Variants in SLC30A9 observed in about 807,000 individuals in gnomAD.
The protein encoded by SLC30A9 is solute carrier family 30 member 9.
In SLC30A9, 58 loss-of-function variants were observed where a neutral mutation model predicts 87.5. That is an observed-to-expected ratio of 0.66 (90% CI 0.54 to 0.82). The LOEUF is 0.82. SLC30A9 is among the 40% of genes least tolerant of loss of function. SLC30A9 has a pLI of 0.00. For missense variants in SLC30A9, 557 were observed against 679.1 expected (o/e 0.82, Z 2.00); for synonymous variants, 234 against 233.0 (o/e 1.00, Z -0.04).
chr4:42,019,881 C>T (rs1258592234), intron 3 of SLC30A9, among the ~76,000 whole-genome samples: 1 of 152,006 alleles, frequency 6.6e-6, no homozygotes, highest in East Asian at 1.9e-4. Flanking sequence ...GCAACCTCTG[C>T]CTCCCAAGTT....
chr4:42,049,946 C>T (rs1319524919), intron 9 of SLC30A9, among the ~76,000 whole-genome samples: 1 of 151,984 alleles, frequency 6.6e-6, no homozygotes, highest in African/African-American at 2.4e-5. Context: ...ACTAGAAACC[C>T]AAAACTTTTC....
At chr4:42,003,934 C>T (rs1715088297) in intron 2 of SLC30A9, among the ~76,000 whole-genome samples, 1 of 152,176 alleles carries the variant, frequency 6.6e-6, no homozygotes, top group Non-Finnish European at 1.5e-5. Context: ...CCGCCTCCAA[C>T]TTATGTGCTA....
intron 9 of SLC30A9, among the ~76,000 whole-genome samples, chr4:42,056,697 T>G (rs1393979657): frequency 6.6e-6 from 1 of 152,096 alleles, no homozygotes; most frequent in Non-Finnish European, 1.5e-5. Flanking sequence ...AAGTCTTAAC[T>G]CATTTCAGCA....
intron 15 of SLC30A9, among the ~76,000 whole-genome samples, chr4:42,075,038 TATATATATATATATATATA>T (rs1718470678): frequency 9.8e-5 from 1 of 10,240 alleles, no homozygotes; most frequent in African/African-American, 3.9e-4. Flanking sequence ...TATATATATA[TATATATATATATATATATA>T]TATTTTTTTT....
chr4:42,067,109 C>A lies in SLC30A9; in HGVS notation c.1169C>A (p.Thr390Lys). The change falls in exon 14 of 18, where the codon ACA becomes AAA. Residue 390 changes from threonine to lysine, a missense_variant. Around this residue, in one of 2 missense-constraint regions of SLC30A9, gnomAD observed 467 missense variants for 529.8 expected, o/e 0.88. Coordinates refer to ENST00000264451, the MANE Select transcript of SLC30A9 (RefSeq NM_006345.4). ...KYVMESRDPS[T>K]NVILLEDTAA... Reference sequence around the variant, plus strand: ...GTAATGGAAAGTCGTGATCCTAGTACAAATGTGATATTATTGGAGGATACT... The same window carrying A: ...GTAATGGAAAGTCGTGATCCTAGTAAAAATGTGATATTATTGGAGGATACT... 1 of 1,612,028 alleles carries A rather than the reference C, an allele frequency of 6.2e-7. No homozygotes were observed. Among genetic ancestry groups the A allele is most frequent in the Non-Finnish European group, 8.5e-7 (1 of 1,178,394 alleles).
At chr4:42,031,285 A>G (rs977405595) in intron 6 of SLC30A9, among the ~76,000 whole-genome samples, 1 of 151,992 alleles carries the variant, frequency 6.6e-6, no homozygotes, top group East Asian at 1.9e-4. Context: ...AAAACAGAAG[A>G]CATCTGCAGC....
At chr4:42,011,556 C>T (rs770914917) in intron 2 of SLC30A9, among the ~76,000 whole-genome samples, 3 of 152,014 alleles carry the variant, frequency 2.0e-5, no homozygotes, top group Non-Finnish European at 4.4e-5. Context: ...ACTCTGAGCA[C>T]AAGAATGTGA....
At chr4:42,052,964 A>G (rs948671718) in intron 9 of SLC30A9, among the ~76,000 whole-genome samples, 11 of 152,228 alleles carry the variant, frequency 7.2e-5, no homozygotes, top group Admixed American at 3.3e-4. Flanking sequence ...ATAGTCACAA[A>G]GCATTCTGAC....
intron 2 of SLC30A9, among the ~76,000 whole-genome samples, chr4:42,014,821 C>T (rs571002038): frequency 2.0e-5 from 3 of 152,210 alleles, no homozygotes; most frequent in East Asian, 3.9e-4. Context: ...AAAAACAGCA[C>T]GTTCTCACTT....
rs1718666956 is a variant in SLC30A9 at position 42,079,162 on chromosome 4, AT to A, written c.1662+839del. On this transcript the variant is annotated intron_variant, in intron 17 of 17. Transcript: ENST00000264451. Reference sequence around the variant, plus strand: ...TAAGACGCTTTCATTCTTAAAAATTATTGCAGACCTCAAAGAGATTTTATTT... The same window carrying A: ...TAAGACGCTTTCATTCTTAAAAATTATGCAGACCTCAAAGAGATTTTATTT... 2.6e-5 allele frequency among the ~76,000 whole-genome samples: 4 copies of A among 152,242 alleles called. No homozygotes were observed. The South Asian group carries it at 8.3e-4, about 32-fold the overall frequency.
intron 2 of SLC30A9, among the ~76,000 whole-genome samples, chr4:42,002,546 T>C (rs1715033699): frequency 6.6e-6 from 1 of 152,012 alleles, no homozygotes; most frequent in African/African-American, 2.4e-5. Flanking sequence ...TTGTTTTCTG[T>C]GTTAATTTGC....
intron 4 of SLC30A9, among the ~76,000 whole-genome samples, chr4:42,022,412 A>G (rs1342436816): frequency 1.3e-5 from 2 of 150,776 alleles, no homozygotes; most frequent in Non-Finnish European, 1.5e-5. Flanking sequence ...ATTTTTTTTT[A>G]GTAGAGACGG....
chr4:42,084,915 T>G (rs1718870512), intron 17 of SLC30A9, among the ~76,000 whole-genome samples: 1 of 152,250 alleles, frequency 6.6e-6, no homozygotes, highest in East Asian at 1.9e-4. Flanking sequence ...CAAATACTGT[T>G]TGTTCCCAGC....
chr4:42,001,975 A>G (rs1321736130), intron 2 of SLC30A9, among the ~76,000 whole-genome samples, 195 bp downstream of exon 2: 2 of 152,000 alleles, frequency 1.3e-5, no homozygotes, highest in East Asian at 1.9e-4. Flanking sequence ...TCTACGAAAA[A>G]CTATCTACTT....
intron 10 of SLC30A9, among the ~76,000 whole-genome samples, chr4:42,061,103 G>A (rs1717834771): frequency 6.6e-6 from 1 of 151,926 alleles, no homozygotes; most frequent in African/African-American, 2.4e-5. Flanking sequence ...AAAAACAGAA[G>A]GTACAAATTT....
At chr4:42,076,690 G>A (rs187902081) in intron 16 of SLC30A9, among the ~76,000 whole-genome samples, 4 of 152,102 alleles carry the variant, frequency 2.6e-5, no homozygotes, top group African/African-American at 7.2e-5. Flanking sequence ...ATGGCCGGGC[G>A]CGGTGGCTCA....
At chr4:42,009,459 ATT>A (rs1020920496) in intron 2 of SLC30A9, among the ~76,000 whole-genome samples, 20 of 152,368 alleles carry the variant, frequency 1.3e-4, no homozygotes, top group African/African-American at 4.8e-4. Context: ...GATTTGTTAA[ATT>A]TTAGTAAAAT....
At chr4:42,051,532 C>T (rs192684824) in intron 9 of SLC30A9, among the ~76,000 whole-genome samples, 3 of 152,016 alleles carry the variant, frequency 2.0e-5, no homozygotes, top group Non-Finnish European at 4.4e-5. Context: ...AAAATATGAA[C>T]ATAAGAAGAT....
In SLC30A9 at chr4:42,038,980, T is replaced by C; in HGVS notation, c.670-6T>C. On this transcript the variant is annotated splice_polypyrimidine_tract_variant and splice_region_variant and intron_variant, in intron 7 of 17. Transcript: ENST00000264451. ...GGTATTAAAAAAAGTTTTTGTTTTT[T>C]TACAGCCACGCTCCAGAACAGCATC... 1 of 1,612,508 alleles carries C rather than the reference T, an allele frequency of 6.2e-7. No individual in the cohort carries two copies. The highest frequency in any genetic ancestry group is 8.5e-7 in the Non-Finnish European group (1 of 1,179,084).
Sources: allele counts gnomAD v4.1 joint callset (sites outside exome capture counted in the v4.1 genomes callset), GRCh38; gene constraint gnomAD v4.1.1; regional missense constraint gnomAD v4.1.1; transcripts MANE v1.5; gene names NCBI Gene and HGNC (gene_info 2026-07-23, HGNC 2026-07-21).